ZNF135: variants seen among roughly 807,000 people sequenced by gnomAD.
ZNF135 encodes the protein zinc finger protein 135 (clone pHZ-17).
A neutral mutation model predicts 12.3 loss-of-function variants in ZNF135; 11 were observed. The ratio of observed to expected loss-of-function variants is 0.89; its 90% CI spans 0.56 to 1.48. The LOEUF (loss-of-function observed/expected upper bound fraction) is 1.48. Ranked by LOEUF, ZNF135 falls within the 40% of genes most tolerant of loss-of-function variation. ZNF135 has a pLI of 0.00. For missense variants in ZNF135, 722 were observed against 815.7 expected (o/e 0.89, Z 1.40); for synonymous variants, 316 against 312.0 (o/e 1.01, Z -0.14).
rs576826158 is a variant in ZNF135 at position 58,060,970 on chromosome 19, CA to C, written c.34-601del. Among the ~76,000 whole-genome samples, 1 of 151,008 alleles carries C rather than the reference CA, an allele frequency of 6.6e-6. No individual in the cohort carries two copies. The highest frequency in any genetic ancestry group is 6.6e-5 in the Admixed American group (1 of 15,174). ...TGAAACCCCGTCTCTACTAAAAATA[CA>C]AAAAAAAATTAGCCGGGGGGGTGGC... is the stretch of plus-strand genomic sequence containing the variant. On this transcript the variant is annotated intron_variant, in intron 2 of 4. Transcript: ENST00000313434. The surrounding 1 kb of genome is among the most constrained non-coding windows in gnomAD (Gnocchi z 4.9).
At position 58,059,356 on chromosome 19, in the gene ZNF135, G is replaced by C; in HGVS notation, c.-35+46G>C. The stretch of plus-strand genomic sequence containing the variant: ...GGGGGAGGGGAGGCCAGGCCGGGCC[G>C]GGCCGGGCCGGGTGCGGGGGGTCCG... On this transcript the variant is annotated intron_variant, in intron 1 of 4. Coordinates refer to ENST00000313434, the MANE Select transcript of ZNF135 (RefSeq NM_001289401.2). This position sits in a 1 kb window ranked among gnomAD's most constrained non-coding sequence, Gnocchi z 6.5. The C allele has an allele frequency of 1.7e-6, 2 of 1,156,616 alleles. No homozygotes were observed. Among genetic ancestry groups the C allele is most frequent in the Non-Finnish European group, 2.3e-6 (2 of 857,476 alleles). 71.6% of individuals were successfully genotyped at this position (1,156,616 alleles called of 1,614,324 possible). A position where few individuals can be genotyped will look rare whatever the true frequency, so the allele number is the denominator to read the frequency against.
chr19:58,059,350 CG>C lies in ZNF135; in HGVS notation c.-35+43del. 1.3e-6 allele frequency: 1 copy of C among 766,996 alleles called. No homozygotes were observed. Among genetic ancestry groups the C allele is most frequent in the Admixed American group, 4.5e-5 (1 of 22,310 alleles). 47.5% of individuals were successfully genotyped at this position (766,996 alleles called of 1,614,324 possible). ...CGAGGAGGGGGAGGGGAGGCCAGGC[CG>C]GGCCGGGCCGGGCCGGGTGCGGGGG... On this transcript the variant is annotated intron_variant, in intron 1 of 4. Coordinates refer to ENST00000313434, the MANE Select transcript of ZNF135 (RefSeq NM_001289401.2). The surrounding 1 kb of genome is among the most constrained non-coding windows in gnomAD (Gnocchi z 6.5).
At chr19:58,064,257 A>G (rs554447692) in intron 4 of ZNF135, among the ~76,000 whole-genome samples, 2 of 152,280 alleles carry the variant, frequency 1.3e-5, no homozygotes, top group East Asian at 1.9e-4. Flanking sequence ...GTCCCTCCAC[A>G]TCAATAACAG....
intron 3 of ZNF135, among the ~76,000 whole-genome samples, chr19:58,062,187 A>C (rs1285743037): frequency 2.0e-5 from 3 of 152,126 alleles, no homozygotes; most frequent in Non-Finnish European, 4.4e-5. Context: ...CACTGATGGC[A>C]CTTTCTTCCT....
In ZNF135 at chr19:58,068,463, C is replaced by A. The variant is rs1288252500; in HGVS notation, c.*2C>A. 1 of 1,612,998 alleles carries A rather than the reference C, an allele frequency of 6.2e-7. No individual in the cohort carries two copies. The highest frequency in any genetic ancestry group is 1.7e-5 in the Admixed American group (1 of 59,984). On this transcript the variant is annotated 3_prime_UTR_variant, in exon 5 of 5. Coordinates refer to ENST00000313434, the MANE Select transcript of ZNF135 (RefSeq NM_001289401.2). ...CACCAGAGAACTCACACTGGATAAA[C>A]CCACTCCACATGTGCTGGGGACATA...
chr19:58,060,392 G>C lies in ZNF135; in HGVS notation c.33+357G>C. ...CCTCTGAAAGGACCGCCCACGCCGC[G>C]CTGGAGGTCAGCGGGCACGGGTCCC... On this transcript the variant is annotated intron_variant, in intron 2 of 4. Coordinates refer to ENST00000313434, the MANE Select transcript of ZNF135 (RefSeq NM_001289401.2). This position sits in a 1 kb window ranked among gnomAD's most constrained non-coding sequence, Gnocchi z 4.9. 8.1e-7 allele frequency: 1 copy of C among 1,227,734 alleles called. No individual in the cohort carries two copies. 76.1% of individuals were successfully genotyped at this position (1,227,734 alleles called of 1,614,324 possible). A position where few individuals can be genotyped will look rare whatever the true frequency, so the allele number is the denominator to read the frequency against.
At chr19:58,064,126 G>T (rs577359063) in intron 4 of ZNF135, among the ~76,000 whole-genome samples, 2 of 152,036 alleles carry the variant, frequency 1.3e-5, no homozygotes, top group African/African-American at 2.4e-5. Flanking sequence ...TAGGGTGATT[G>T]GTAGGTAGCA....
chr19:58,060,100 T>TCTCACGCCCGGCCTC lies in ZNF135; in HGVS notation c.33+69_33+83dup. On this transcript the variant is annotated intron_variant, in intron 2 of 4. Transcript: ENST00000313434. The surrounding 1 kb of genome is among the most constrained non-coding windows in gnomAD (Gnocchi z 4.9). ...TGCCCGGCCTCCTCGCGCGCGGCCT[T>TCTCACGCCCGGCCTC]CTCACGCCCGGCCTCCTCTTTGCAC... The TCTCACGCCCGGCCTC allele has an allele frequency of 1.9e-6, 3 of 1,601,416 alleles. No individual in the cohort carries two copies. The highest frequency in any genetic ancestry group is 2.5e-6 in the Non-Finnish European group (3 of 1,176,980).
At position 58,063,911 on chromosome 19, in the gene ZNF135, C is replaced by G. The variant is rs1023326331; in HGVS notation, c.256+370C>G. Among the ~76,000 whole-genome samples, 2 of 152,180 alleles carry G rather than the reference C, an allele frequency of 1.3e-5. No homozygotes were observed. The highest frequency in any genetic ancestry group is 4.8e-5 in the African/African-American group (2 of 41,444). On this transcript the variant is annotated intron_variant, in intron 4 of 4. Coordinates refer to ENST00000313434, the MANE Select transcript of ZNF135 (RefSeq NM_001289401.2). This position sits in a 1 kb window ranked among gnomAD's most constrained non-coding sequence, Gnocchi z 4.4. ...GCCTCTCCAAGGAGGTGACATGTGA[C>G]TTGAAGCCTGAGCCATGAGGCAGTC...
rs1336185286 is a variant in ZNF135 at position 58,069,496 on chromosome 19, AT to A, written c.*1039del. Reference sequence around the variant, plus strand: ...TTTCATTGTTTTCATACAATTTAACATTTTGTTAAACCCTAAGTCCACAAAT... The same window carrying A: ...TTTCATTGTTTTCATACAATTTAACATTTGTTAAACCCTAAGTCCACAAAT... On this transcript the variant is annotated 3_prime_UTR_variant, in exon 5 of 5. Transcript: ENST00000313434. The A allele has an allele frequency of 6.6e-6, 1 of 152,198 alleles. No homozygotes were observed. Among genetic ancestry groups the A allele is most frequent in the Non-Finnish European group, 1.5e-5 (1 of 68,040 alleles). The allele number at this position is 152,198 out of a possible 1,614,324, so 9.4% of individuals were successfully genotyped here.
chr19:58,068,273 G>A lies in ZNF135; in HGVS notation c.1789G>A (p.Glu597Lys), dbSNP rs200452996. Reference sequence around the variant, plus strand: ...CCACAGCTCCTCGCTCAGCCAGCACGAAAGGACGCACACTGGGGAAAAGCC... The same window carrying A: ...CCACAGCTCCTCGCTCAGCCAGCACAAAAGGACGCACACTGGGGAAAAGCC... ...FSHSSSLSQH[E>K]RTHTGEKPYE... Residue 597 changes from glutamate to lysine, a missense_variant, in exon 5 of 5, where the codon GAA (glutamate) becomes AAA (lysine). Transcript: ENST00000313434. 49 of 1,613,702 alleles carry A rather than the reference G, an allele frequency of 3.0e-5. No homozygotes were observed. Among genetic ancestry groups the A allele is most frequent in the Middle Eastern group, 1.6e-4 (1 of 6,078 alleles).
At position 58,069,142 on chromosome 19, in the gene ZNF135, T is replaced by C. The variant is rs1299334044; in HGVS notation, c.*681T>C. ...CATATGACAAAGTATCAGTGTACTA[T>C]AAACAGGTTTTTAGTTATCCCTGCA... On this transcript the variant is annotated 3_prime_UTR_variant, in exon 5 of 5. Transcript: ENST00000313434. The C allele has an allele frequency of 6.6e-6, 1 of 152,446 alleles. No individual in the cohort carries two copies. The highest frequency in any genetic ancestry group is 1.5e-5 in the Non-Finnish European group (1 of 68,234). The allele number at this position is 152,446 out of a possible 1,614,324, so 9.4% of individuals were successfully genotyped here.
chr19:58,068,283 A>G lies in ZNF135; in HGVS notation c.1799A>G (p.His600Arg), dbSNP rs144563794. The stretch of plus-strand genomic sequence containing the variant: ...TCGCTCAGCCAGCACGAAAGGACGC[A>G]CACTGGGGAAAAGCCCTATGAGTGT... ...SSSLSQHERT[H>R]TGEKPYECHD... The change falls in exon 5 of 5, where the codon CAC (histidine) becomes CGC (arginine). Residue 600 changes from histidine to arginine, a missense_variant. Transcript: ENST00000313434. 156 of 1,614,144 alleles carry G rather than the reference A, an allele frequency of 9.7e-5. No homozygotes were observed. The African/African-American group carries it at 2.0e-3, about 20-fold the overall frequency.
At chr19:58,061,503 G>C in intron 2 of ZNF135, 77 bp from the exon 3 acceptor site, 1 of 1,538,030 alleles carries the variant, frequency 6.5e-7, no homozygotes, top group South Asian at 1.3e-5. Flanking sequence ...ACCCAGCCTG[G>C]CTGGCATTTA....
rs1423897622 is a variant in ZNF135 at position 58,061,590 on chromosome 19, C to T, written c.44C>T (p.Thr15Met). The change falls in exon 3 of 5, where the codon ACG becomes ATG. Residue 15 changes from threonine to methionine, a missense_variant. Transcript: ENST00000313434. ...VRVSTDPEQV[T>M]FEDVVVGFSQ... The stretch of plus-strand genomic sequence containing the variant: ...CGTGTGATGTTTCAGGAGCAAGTGA[C>T]GTTTGAGGACGTGGTAGTGGGCTTC... 5.6e-6 allele frequency: 9 copies of T among 1,612,580 alleles called. No individual in the cohort carries two copies. Among genetic ancestry groups the T allele is most frequent in the African/African-American group, 1.3e-5 (1 of 74,804 alleles).
Position 58,060,255 on chromosome 19 carries a change from GCC to G in ZNF135, c.33+221_33+222del. 1 of 327,332 alleles carries G rather than the reference GCC, an allele frequency of 3.1e-6. No individual in the cohort carries two copies. The highest frequency in any genetic ancestry group is 1.0e-4 in the Admixed American group (1 of 9,752). The allele number at this position is 327,332 out of a possible 1,614,324, so 20.3% of individuals were successfully genotyped here. ...CGCACCTGGCCTCTACTGGTGCCCG[GCC>G]TCTACTCGTGCCCGGCCTCTATTTG... On this transcript the variant is annotated intron_variant, in intron 2 of 4. Coordinates refer to ENST00000313434, the MANE Select transcript of ZNF135 (RefSeq NM_001289401.2). The surrounding 1 kb of genome is among the most constrained non-coding windows in gnomAD (Gnocchi z 4.9).
rs891547367 is a variant in ZNF135, at chr19:58,060,808, C to A, written c.34-772C>A. Among the ~76,000 whole-genome samples, 1 of 151,756 alleles carries A rather than the reference C, an allele frequency of 6.6e-6. No homozygotes were observed. Among genetic ancestry groups the A allele is most frequent in the African/African-American group, 2.4e-5 (1 of 41,252 alleles). ...CACTCCAGCCTGAATGACAGTGGAA[C>A]CCTGTCTCTAAAAAATTAAAAAACA... On this transcript the variant is annotated intron_variant, in intron 2 of 4. Transcript: ENST00000313434. This position sits in a 1 kb window ranked among gnomAD's most constrained non-coding sequence, Gnocchi z 4.9.
rs116163720 is a variant in ZNF135, at chr19:58,066,695, C to T, written c.257-46C>T. The T allele has an allele frequency of 8.6e-4, 1,379 of 1,597,560 alleles. 12 individuals are homozygous for T. The African/African-American group carries it at 0.015, about 17-fold the overall frequency. On this transcript the variant is annotated intron_variant, in intron 4 of 4. Coordinates refer to ENST00000313434, the MANE Select transcript of ZNF135 (RefSeq NM_001289401.2). ...CCCATCTCACCACAAACTCTTTTGCCGTGGAACAGAGATTAAGGGACATTT... is the reference window on the plus strand; with the variant it reads ...CCCATCTCACCACAAACTCTTTTGCTGTGGAACAGAGATTAAGGGACATTT...
rs568744086 is a variant in ZNF135, at chr19:58,063,891, T to A, written c.256+350T>A. On this transcript the variant is annotated intron_variant, in intron 4 of 4. Coordinates refer to ENST00000313434, the MANE Select transcript of ZNF135 (RefSeq NM_001289401.2). The surrounding 1 kb of genome is among the most constrained non-coding windows in gnomAD (Gnocchi z 4.4). ...TAGCAGAGAGATGAGGGATAGCCTC[T>A]CCAAGGAGGTGACATGTGACTTGAA... Among the ~76,000 whole-genome samples the A allele has an allele frequency of 3.3e-4, 50 of 152,236 alleles. No individual in the cohort carries two copies. Among genetic ancestry groups the A allele is most frequent in the Middle Eastern group, 3.4e-3 (1 of 294 alleles).
Sources: allele counts gnomAD v4.1 joint callset (sites outside exome capture counted in the v4.1 genomes callset), GRCh38; gene constraint gnomAD v4.1.1; non-coding constraint Gnocchi (gnomAD v3.1); transcripts MANE v1.5; gene names NCBI Gene and HGNC (gene_info 2026-07-23, HGNC 2026-07-21).